The following FOXN3 variants were observed in gnomAD, a reference collection of about 807,000 sequenced individuals.
The protein encoded by FOXN3 is forkhead box N3.
Under a neutral mutation model 38.4 loss-of-function variants are expected in FOXN3, and 7 were observed. That is an observed-to-expected ratio of 0.18 (90% confidence interval 0.10 to 0.34). The LOEUF is 0.34. FOXN3 is among the 10% of genes least tolerant of loss of function. The pLI is 1.00. For synonymous variants in FOXN3, 230 were observed against 242.2 expected, an observed-to-expected ratio of 0.95 and a Z score of 0.47; for missense variants, 456 against 613.4, an observed-to-expected ratio of 0.74 and a Z score of 2.71.
At chr14:89,283,350 C>G (rs1205421878) in intron 3 of FOXN3, among the ~76,000 whole-genome samples, 1 of 152,150 alleles carries the variant, frequency 6.6e-6, no homozygotes, top group Non-Finnish European at 1.5e-5. Context: ...TCTAATGAGA[C>G]CAGCAATGCC....
chr14:89,428,956 C>T (rs1018466175), intron 1 of FOXN3, among the ~76,000 whole-genome samples: 1 of 152,196 alleles, frequency 6.6e-6, no homozygotes, highest in African/African-American at 2.4e-5. Context: ...TCATGACATC[C>T]GTTCCAAAGA....
In FOXN3 at chr14:89,162,851, G is replaced by A. The variant is rs1441842924; in HGVS notation, c.970C>T (p.Arg324Trp). 10 of 1,611,520 alleles carry A rather than the reference G, an allele frequency of 6.2e-6. No homozygotes were observed. Among genetic ancestry groups the A allele is most frequent in the South Asian group, 2.2e-5 (2 of 91,052 alleles). Residue 324 changes from arginine (R) to tryptophan (W), a missense_variant, in exon 6 of 6, where the codon CGG becomes TGG. Transcript: ENST00000557258. The surrounding 1 kb of genome is among the most constrained non-coding windows in gnomAD (Gnocchi z 7.2). ...NYSSAKSSNA[R>W]STSPTSDSIS... ...GAGTCGCTGGTGGGCGAGGTGCTCC[G>A]GGCGTTGGAGGACTTGGCACTGCTG...
At chr14:89,504,506 C>T (rs1244064849) in intron 1 of FOXN3, among the ~76,000 whole-genome samples, 1 of 152,096 alleles carries the variant, frequency 6.6e-6, no homozygotes, top group Non-Finnish European at 1.5e-5. Flanking sequence ...TTCAATCTGC[C>T]CCAGTTTGTG....
chr14:89,241,650 C>T (rs1885142809), intron 4 of FOXN3, among the ~76,000 whole-genome samples: 1 of 152,194 alleles, frequency 6.6e-6, no homozygotes, highest in South Asian at 2.1e-4. Context: ...TTCCTTTTCT[C>T]CCACTAGGCA....
chr14:89,355,656 A>T (rs1372939753), intron 2 of FOXN3, among the ~76,000 whole-genome samples: 1 of 152,248 alleles, frequency 6.6e-6, no homozygotes, highest in African/African-American at 2.4e-5. Context: ...ACTAGAACCA[A>T]ATAGAATGGA....
rs1420907266 is a variant in FOXN3 at position 89,161,011 on chromosome 14, C to G, written c.*1403G>C. On this transcript the variant is annotated 3_prime_UTR_variant, in exon 6 of 6. Transcript: ENST00000557258. ...AAGGGCTTAAAAATTACAGGCATAGCCTTTTCTCTATTTTCTATATTTATA... is the reference window on the plus strand; with the variant it reads ...AAGGGCTTAAAAATTACAGGCATAGGCTTTTCTCTATTTTCTATATTTATA... 6.6e-6 allele frequency: 1 copy of G among 151,980 alleles called. No individual in the cohort carries two copies. Among genetic ancestry groups the G allele is most frequent in the Non-Finnish European group, 1.5e-5 (1 of 67,990 alleles). The allele number at this position is 151,980 out of a possible 1,614,324, so 9.4% of individuals were successfully genotyped here.
chr14:89,346,450 A>G (rs142104445), intron 3 of FOXN3, among the ~76,000 whole-genome samples: 2 of 152,164 alleles, frequency 1.3e-5, no homozygotes, highest in Non-Finnish European at 2.9e-5. Context: ...TTGAGGAGTG[A>G]GGATCAAGTT....
chr14:89,188,661 T>C lies in FOXN3; in HGVS notation c.746-7855A>G, dbSNP rs548036595. 3.9e-5 allele frequency among the ~76,000 whole-genome samples: 6 copies of C among 152,370 alleles called. No homozygotes were observed. The East Asian group carries it at 1.2e-3, about 29-fold the overall frequency. The stretch of plus-strand genomic sequence containing the variant: ...GCTGGAAGTATTTTTGTGAAACTAA[T>C]GATCACTGTGTAGTGGCTGGGTGCA... On this transcript the variant is annotated intron_variant, in intron 4 of 5. Coordinates refer to ENST00000557258, the MANE Select transcript of FOXN3 (RefSeq NM_005197.4).
chr14:89,417,676 C>G (rs1417773675), upstream of FOXN3: 1 of 455,866 alleles, frequency 2.2e-6, no homozygotes, highest in Non-Finnish European at 4.4e-6. Flanking sequence ...AAAAGAATTA[C>G]GATGCGGGCG....
intron 1 of FOXN3, among the ~76,000 whole-genome samples, chr14:89,607,476 T>C (rs772023875): frequency 5.9e-5 from 9 of 151,600 alleles, no homozygotes; most frequent in South Asian, 4.2e-4. Context: ...GGAGAATCGC[T>C]TGGACTCGGG....
chr14:89,511,150 TTTCTTTCTTTCTTTC>T lies in FOXN3; in HGVS notation c.-14-98675_-14-98661del, dbSNP rs1566680827. 1.5e-3 allele frequency among the ~76,000 whole-genome samples: 29 copies of T among 18,884 alleles called. 2 individuals are homozygous for T. Among genetic ancestry groups the T allele is most frequent in the Admixed American group, 3.8e-3 (3 of 792 alleles). 12.4% of individuals were successfully genotyped at this position (18,884 alleles called of 152,430 possible). The stretch of plus-strand genomic sequence containing the variant: ...TTTCTTTCTTTCTTTCTTTTCTTTC[TTTCTTTCTTTCTTTC>T]TTTCTTTCTTTCTTTCTTTCTTTCT... On this transcript the variant is annotated intron_variant, in intron 1 of 6. Coordinates refer to the FOXN3 transcript ENST00000345097.
chr14:89,493,564 A>G (rs1037562734), intron 1 of FOXN3, among the ~76,000 whole-genome samples: 4 of 152,358 alleles, frequency 2.6e-5, no homozygotes, highest in South Asian at 2.1e-4. Flanking sequence ...ACTAAAAAGT[A>G]GCAGCAAATG....
chr14:89,522,444 TA>T (rs1894341481), intron 1 of FOXN3, among the ~76,000 whole-genome samples: 1 of 152,112 alleles, frequency 6.6e-6, no homozygotes, highest in South Asian at 2.1e-4. Context: ...GCACCAGAAA[TA>T]ACAATACAAG....
intron 5 of FOXN3, among the ~76,000 whole-genome samples, chr14:89,168,290 G>A (rs917050784): frequency 1.3e-5 from 2 of 152,082 alleles, no homozygotes; most frequent in African/African-American, 4.8e-5. Context: ...AGGCTATATT[G>A]GAAAGCACTA....
At chr14:89,309,229 C>T (rs1887462479) in intron 3 of FOXN3, among the ~76,000 whole-genome samples, 1 of 152,154 alleles carries the variant, frequency 6.6e-6, no homozygotes. Flanking sequence ...TTGGCGCACC[C>T]TGCAGCCACT....
chr14:89,378,058 C>G (rs1890534637), intron 2 of FOXN3, among the ~76,000 whole-genome samples: 1 of 152,192 alleles, frequency 6.6e-6, no homozygotes, highest in African/African-American at 2.4e-5. Flanking sequence ...AAAATAAATT[C>G]CTTTTATTAA....
chr14:89,224,561 G>T (rs576168498), intron 4 of FOXN3, among the ~76,000 whole-genome samples: 1 of 152,276 alleles, frequency 6.6e-6, no homozygotes, highest in East Asian at 1.9e-4. Context: ...ACTTATTGAG[G>T]CACCTACTGT....
At position 89,436,289 on chromosome 14, in the gene FOXN3, TA is replaced by T. The variant is rs77915176; in HGVS notation, c.-14-23800del. 4.9e-3 allele frequency among the ~76,000 whole-genome samples: 664 copies of T among 134,798 alleles called. 5 individuals are homozygous for T. Among genetic ancestry groups the T allele is most frequent in the African/African-American group, 0.012 (444 of 36,370 alleles). 88.4% of individuals were successfully genotyped at this position (134,798 alleles called of 152,430 possible). A position where few individuals can be genotyped will look rare whatever the true frequency, so the allele number is the denominator to read the frequency against. On this transcript the variant is annotated intron_variant, in intron 1 of 6. Coordinates refer to the FOXN3 transcript ENST00000345097. ...GGCCAGAAAAGGTTTGTTTATTCATTAAAAAAAAAAAAAAAAGTTAATTTAT... is the reference window on the plus strand; with the variant it reads ...GGCCAGAAAAGGTTTGTTTATTCATTAAAAAAAAAAAAAAAGTTAATTTAT...
chr14:89,411,260 A>G (rs768045793), intron 2 of FOXN3, among the ~76,000 whole-genome samples: 5 of 152,214 alleles, frequency 3.3e-5, no homozygotes, highest in African/African-American at 7.2e-5. Flanking sequence ...CCTAGTGCCA[A>G]AAACATTGGG....
Sources: gnomAD v4.1 joint callset for allele counts (sites outside exome capture counted in the v4.1 genomes callset) on GRCh38, gnomAD v4.1.1 for gene constraint, Gnocchi (gnomAD v3.1) non-coding constraint, MANE v1.5 for transcripts, NCBI Gene and HGNC (gene_info 2026-07-23, HGNC 2026-07-21) for gene names.